ZFHX3: variants seen among roughly 807,000 people sequenced by gnomAD.
ZFHX3 encodes the protein zinc finger homeobox protein 3.
Under a neutral mutation model 279.1 loss-of-function variants are expected in ZFHX3, and 42 were observed. The observed-to-expected ratio is 0.15, with a 90% CI of 0.12 to 0.19. The LOEUF is 0.19. Among genes scored for constraint, ZFHX3 ranks in the 10% least tolerant of loss-of-function variants. The pLI is 1.00. For synonymous variants in ZFHX3, 2,293 were observed against 1,957.8 expected, an observed-to-expected ratio of 1.17 and a Z score of -4.52; for missense variants, 4,981 against 4,754.0, an observed-to-expected ratio of 1.05 and a Z score of -1.40.
At chr16:73,864,722 T>C (rs1961968021) in intron 1 of ZFHX3, among the ~76,000 whole-genome samples, 1 of 151,752 alleles carries the variant, frequency 6.6e-6, no homozygotes, top group Non-Finnish European at 1.5e-5. Flanking sequence ...TCTGTCTCAA[T>C]CAATCAATCA....
intron 1 of ZFHX3, among the ~76,000 whole-genome samples, chr16:73,742,095 AT>A (rs2053662920): frequency 6.6e-6 from 1 of 152,138 alleles, no homozygotes; most frequent in Non-Finnish European, 1.5e-5. Flanking sequence ...ACCACCTCAA[AT>A]TTCCAAAGCA....
In ZFHX3 at chr16:73,304,136, C is replaced by T. The variant is rs74030048; in HGVS notation, c.-1194+14104G>A. On this transcript the variant is annotated intron_variant, in intron 4 of 17. Coordinates refer to the ZFHX3 transcript ENST00000641206. ...TCCCACCAGTCTCAGCCTCACGGAGCTTGCAGAAGAGCCTCATTTCTGGTC... is the reference window on the plus strand; with the variant it reads ...TCCCACCAGTCTCAGCCTCACGGAGTTTGCAGAAGAGCCTCATTTCTGGTC... Among the ~76,000 whole-genome samples the T allele has an allele frequency of 8.8e-3, 1,343 of 152,298 alleles. 18 individuals carry two copies. Among genetic ancestry groups the T allele is most frequent in the African/African-American group, 0.03 (1,263 of 41,550 alleles).
intron 5 of ZFHX3, among the ~76,000 whole-genome samples, chr16:73,166,424 C>T (rs1355055436): frequency 1.3e-5 from 2 of 152,080 alleles, no homozygotes; most frequent in African/African-American, 4.8e-5. Context: ...GTATAAAGAA[C>T]TTGAACCTGG....
chr16:72,908,260 C>G (rs2039233471), intron 3 of ZFHX3, among the ~76,000 whole-genome samples: 1 of 152,178 alleles, frequency 6.6e-6, no homozygotes, highest in Admixed American at 6.5e-5. Flanking sequence ...TGGGAGTGAG[C>G]AGCCGTGGAG....
chr16:72,805,073 G>GT (rs1446117102), intron 7 of ZFHX3, among the ~76,000 whole-genome samples: 1 of 152,132 alleles, frequency 6.6e-6, no homozygotes, highest in Non-Finnish European at 1.5e-5. Context: ...CGCCTCCCGG[G>GT]TTCAAGTGAT....
chr16:73,822,445 T>C (rs888267057), intron 1 of ZFHX3, among the ~76,000 whole-genome samples: 2 of 152,184 alleles, frequency 1.3e-5, no homozygotes, highest in Admixed American at 6.5e-5. Context: ...AGTTACACAA[T>C]TGCATCTTAA....
chr16:73,833,460 G>T (rs564723026), intron 1 of ZFHX3, among the ~76,000 whole-genome samples: 2 of 152,212 alleles, frequency 1.3e-5, no homozygotes, highest in South Asian at 2.1e-4. Flanking sequence ...AATCAACTGG[G>T]ACATAAAATT....
At chr16:73,172,543 T>C (rs578071647) in intron 5 of ZFHX3, among the ~76,000 whole-genome samples, 1 of 152,356 alleles carries the variant, frequency 6.6e-6, no homozygotes, top group Admixed American at 6.5e-5. Context: ...CAGGCCTTTA[T>C]TGATGGGGTG....
intron 5 of ZFHX3, among the ~76,000 whole-genome samples, chr16:72,818,226 A>C (rs1181824599): frequency 2.6e-5 from 4 of 152,206 alleles, no homozygotes; most frequent in Admixed American, 6.5e-5. Flanking sequence ...TGTGTTTCCC[A>C]TAGCTCCTCT....
intron 1 of ZFHX3, among the ~76,000 whole-genome samples, chr16:73,007,283 T>C (rs1413177282): frequency 6.6e-6 from 1 of 152,214 alleles, no homozygotes; most frequent in Non-Finnish European, 1.5e-5. Flanking sequence ...TGTGATGGTG[T>C]TGGTTCCCAG....
intron 2 of ZFHX3, among the ~76,000 whole-genome samples, chr16:73,563,169 GTT>G (rs1491493911): frequency 1.4e-4 from 15 of 108,912 alleles, no homozygotes; most frequent in East Asian, 9.7e-4. Context: ...TTTTTGTTTT[GTT>G]GTGTGTGTGT....
At chr16:73,480,582 G>A (rs1008299572) in intron 2 of ZFHX3, among the ~76,000 whole-genome samples, 2 of 152,156 alleles carry the variant, frequency 1.3e-5, no homozygotes, top group Admixed American at 1.3e-4. Flanking sequence ...GAATGTGCCT[G>A]GAATGTTTGC....
At chr16:72,827,294 C>T (rs992086841) in intron 5 of ZFHX3, among the ~76,000 whole-genome samples, 2 of 152,164 alleles carry the variant, frequency 1.3e-5, no homozygotes, top group African/African-American at 2.4e-5. Flanking sequence ...AACAAACAAA[C>T]AACTTACATA....
intron 5 of ZFHX3, among the ~76,000 whole-genome samples, chr16:73,179,794 G>A (rs1314540532): frequency 1.3e-5 from 2 of 152,062 alleles, no homozygotes; most frequent in African/African-American, 2.4e-5. Context: ...TGTCTGCTCC[G>A]CTTTTAGCAA....
intron 2 of ZFHX3, among the ~76,000 whole-genome samples, chr16:73,542,102 GT>G (rs1478242580): frequency 3.3e-5 from 5 of 152,066 alleles, no homozygotes; most frequent in African/African-American, 9.7e-5. Context: ...GCCCGGCCCT[GT>G]TTGGTGGTTC....
chr16:73,048,534 G>A (rs189353834), upstream of ZFHX3, among the ~76,000 whole-genome samples: 17 of 152,318 alleles, frequency 1.1e-4, no homozygotes, highest in Middle Eastern at 3.4e-3. Flanking sequence ...CCTCCCGGAG[G>A]CGCTGACCCC....
chr16:73,059,620 G>T lies in ZFHX3; in HGVS notation c.-1114C>A, dbSNP rs527815809. 1.0e-4 allele frequency: 15 copies of T among 148,258 alleles called. No individual in the cohort carries two copies. The East Asian group carries it at 3.1e-3, about 31-fold the overall frequency. 9.2% of individuals were successfully genotyped at this position (148,258 alleles called of 1,614,324 possible). On this transcript the variant is annotated 5_prime_UTR_variant, in exon 1 of 9. Transcript: ENST00000397992. ...GAAAAGAGCATCTCCAAAGAATGGG[G>T]GCATTAGTGGAGGGGGACAGCTTAG...
At chr16:72,912,509 A>C (rs1276692668) in intron 3 of ZFHX3, among the ~76,000 whole-genome samples, 4 of 152,140 alleles carry the variant, frequency 2.6e-5, no homozygotes, top group Non-Finnish European at 5.9e-5. Flanking sequence ...GAAAGCTAAA[A>C]GGTTGGAAGC....
At chr16:73,613,533 A>T (rs1337843879) in intron 2 of ZFHX3, among the ~76,000 whole-genome samples, 1 of 152,164 alleles carries the variant, frequency 6.6e-6, no homozygotes, top group Non-Finnish European at 1.5e-5. Context: ...AGTTTCTAGA[A>T]GCAGGATGGT....
Sources: allele counts gnomAD v4.1 joint callset (sites outside exome capture counted in the v4.1 genomes callset), GRCh38; gene constraint gnomAD v4.1.1; transcripts MANE v1.5; gene names NCBI Gene and HGNC (gene_info 2026-07-23, HGNC 2026-07-21).